The following RAPGEF1 variants were observed in gnomAD, a reference collection of about 807,000 sequenced individuals.
RAPGEF1 encodes CRK SH3-binding GNRP.
In RAPGEF1, 33 loss-of-function variants were observed where a neutral mutation model predicts 143.3. That is an observed-to-expected ratio of 0.23 (90% CI 0.17 to 0.31). The LOEUF (loss-of-function observed/expected upper bound fraction) is 0.31, where lower values mean the gene tolerates loss of function less well. Ranked by LOEUF, RAPGEF1 falls within the 10% of genes least tolerant of loss-of-function variation. RAPGEF1 has a pLI of 1.00. For synonymous variants in RAPGEF1, 629 were observed against 676.5 expected (o/e 0.93, Z 1.09); for missense variants, 1,199 against 1,645.4 (o/e 0.73, Z 4.69).
intron 1 of RAPGEF1, among the ~76,000 whole-genome samples, chr9:131,721,747 G>A (rs116363650): frequency 1.8e-3 from 272 of 152,242 alleles, no homozygotes; most frequent in African/African-American, 6.5e-3. Context: ...ACTGAAACAC[G>A]TAGACTTTTT....
rs143354732 is a variant in RAPGEF1 at position 131,671,070 on chromosome 9, C to T, written c.62-20121G>A. ...CATTTAACACTCTCTAAACCCCACA[C>T]TGTCCGGGGAATGCCCCTAGGAAAA... On this transcript the variant is annotated intron_variant, in intron 1 of 26. Coordinates refer to ENST00000683357, the MANE Select transcript of RAPGEF1 (RefSeq NM_001377935.1). Among the ~76,000 whole-genome samples, 747 of 152,368 alleles carry T rather than the reference C, an allele frequency of 4.9e-3. 11 individuals are homozygous for T. Among genetic ancestry groups the T allele is most frequent in the African/African-American group, 0.017 (700 of 41,594 alleles).
intron 1 of RAPGEF1, among the ~76,000 whole-genome samples, chr9:131,677,899 A>G (rs1167482783): frequency 1.3e-5 from 2 of 152,248 alleles, no homozygotes; most frequent in Non-Finnish European, 2.9e-5. Context: ...AATTCTCCTA[A>G]GTCAAAACTA....
intron 5 of RAPGEF1, among the ~76,000 whole-genome samples, chr9:131,637,821 T>G (rs148417032): frequency 6.3e-4 from 96 of 152,364 alleles, no homozygotes; most frequent in African/African-American, 2.3e-3. Flanking sequence ...ATAAAAGAGT[T>G]ACTTAAGGTG....
intron 1 of RAPGEF1, among the ~76,000 whole-genome samples, chr9:131,693,398 T>C (rs999186434): frequency 9.9e-5 from 15 of 152,052 alleles, no homozygotes; most frequent in Non-Finnish European, 1.8e-4. Context: ...ACGCTCAAGT[T>C]CCATACCACT....
At chr9:131,680,843 C>T (rs1832847135) in intron 1 of RAPGEF1, among the ~76,000 whole-genome samples, 1 of 152,164 alleles carries the variant, frequency 6.6e-6, no homozygotes, top group African/African-American at 2.4e-5. Context: ...ATTCCTCTAG[C>T]GCCTCTGGGT....
intron 1 of RAPGEF1, among the ~76,000 whole-genome samples, chr9:131,686,700 T>G (rs964913955): frequency 6.6e-6 from 1 of 152,226 alleles, no homozygotes; most frequent in African/African-American, 2.4e-5. Context: ...GCCTTTGTTT[T>G]CCACCTGGCA....
Position 131,596,967 on chromosome 9 carries a change from C to T in RAPGEF1, c.2614-594G>A, listed in dbSNP as rs79487668. ...GACAGAAATATTCAATGACTTCTGA[C>T]GCTGCACACCTGCCACCAACCCACC... is the stretch of plus-strand genomic sequence containing the variant. On this transcript the variant is annotated intron_variant, in intron 16 of 26. Coordinates refer to ENST00000683357, the MANE Select transcript of RAPGEF1 (RefSeq NM_001377935.1). 4.4e-3 allele frequency among the ~76,000 whole-genome samples: 668 copies of T among 152,314 alleles called. 9 individuals carry two copies. Among genetic ancestry groups the T allele is most frequent in the African/African-American group, 0.015 (640 of 41,556 alleles).
rs115683784 is a variant in RAPGEF1, at chr9:131,643,304, C to T, written c.429G>A (p.Gly143=). ...TGGCCTCCAGCACCTTGCTGGCTGA[C>T]CCTGGAAGCATCTCCAGTACCTTCT... ...IDKKVLEMLP[G]SASKVLEAIL... is the part of the protein sequence containing the mutation. The change falls in exon 4 of 27, where the codon GGG becomes GGA. Residue 143 remains glycine (G), a synonymous_variant. Transcript: ENST00000683357. 1 of 1,613,514 alleles carries T rather than the reference C, an allele frequency of 6.2e-7. No homozygotes were observed. Among genetic ancestry groups the T allele is most frequent in the African/African-American group, 1.3e-5 (1 of 75,020 alleles).
intron 4 of RAPGEF1, 142 bp downstream of exon 4, chr9:131,643,097 G>T (rs900828573): frequency 1.0e-5 from 9 of 885,998 alleles, no homozygotes; most frequent in South Asian, 1.8e-5. Context: ...GTTGTGGGGG[G>T]AGTGGTCAGG....
In RAPGEF1 at chr9:131,578,611, C is replaced by T. The variant is rs1039403239; in HGVS notation, c.*886G>A. Reference sequence around the variant, plus strand: ...AGCGATGGAGGAGGGAGGTGCTGGCCTCTCCCCTCTGAATTAACTCCCCCA... The same window carrying T: ...AGCGATGGAGGAGGGAGGTGCTGGCTTCTCCCCTCTGAATTAACTCCCCCA... On this transcript the variant is annotated 3_prime_UTR_variant, in exon 27 of 27. Coordinates refer to ENST00000683357, the MANE Select transcript of RAPGEF1 (RefSeq NM_001377935.1). 6.6e-6 allele frequency: 1 copy of T among 152,354 alleles called. No homozygotes were observed. The highest frequency in any genetic ancestry group is 1.5e-5 in the Non-Finnish European group (1 of 68,116). 9.4% of individuals were successfully genotyped at this position (152,354 alleles called of 1,614,324 possible).
chr9:131,689,919 T>C (rs1833660049), intron 1 of RAPGEF1, among the ~76,000 whole-genome samples: 1 of 152,230 alleles, frequency 6.6e-6, no homozygotes, highest in South Asian at 2.1e-4. Flanking sequence ...GTTAAAATAC[T>C]GAAACATTAA....
At chr9:131,591,296 G>A (rs148467394) in intron 18 of RAPGEF1, among the ~76,000 whole-genome samples, 20 of 152,340 alleles carry the variant, frequency 1.3e-4, no homozygotes, top group African/African-American at 4.1e-4. Flanking sequence ...AGGAAGGAGC[G>A]GGGGCGCGGG....
At chr9:131,726,784 C>G (rs918329497) in intron 1 of RAPGEF1, among the ~76,000 whole-genome samples, 1 of 152,120 alleles carries the variant, frequency 6.6e-6, no homozygotes, top group African/African-American at 2.4e-5. Flanking sequence ...TGTTAAAACG[C>G]ACAAAACTTT....
Position 131,579,466 on chromosome 9 carries a change from C to T in RAPGEF1, c.*31G>A, listed in dbSNP as rs367603006. ...TCTGGGAGCTGCCCTCTGCGCCCCT[C>T]GAGCATTCTCCTGGATCCCGGCGTC... On this transcript the variant is annotated 3_prime_UTR_variant, in exon 27 of 27. Transcript: ENST00000683357. 1.1e-4 allele frequency: 174 copies of T among 1,609,944 alleles called. No individual in the cohort carries two copies. The highest frequency in any genetic ancestry group is 1.7e-4 in the Middle Eastern group (1 of 6,058).
chr9:131,709,542 G>T, intron 1 of RAPGEF1: 1 of 1,387,312 alleles, frequency 7.2e-7, no homozygotes, highest in Non-Finnish European at 1.0e-6. Flanking sequence ...AGGCACTTCA[G>T]CTCTGCTGCT....
In RAPGEF1 at chr9:131,577,866, GGACA is replaced by G. The variant is rs1951377083; in HGVS notation, c.*1627_*1630del. 1 of 152,098 alleles carries G rather than the reference GGACA, an allele frequency of 6.6e-6. No individual in the cohort carries two copies. The highest frequency in any genetic ancestry group is 6.5e-5 in the Admixed American group (1 of 15,280). 9.4% of individuals were successfully genotyped at this position (152,098 alleles called of 1,614,324 possible). A position where few individuals can be genotyped will look rare whatever the true frequency, so the allele number is the denominator to read the frequency against. On this transcript the variant is annotated 3_prime_UTR_variant, in exon 27 of 27. Coordinates refer to ENST00000683357, the MANE Select transcript of RAPGEF1 (RefSeq NM_001377935.1). ...CACGGCTTTCCTCCCTCTATCTACA[GGACA>G]AACAAAACACGGGAGAGGGGAAAAA... is the stretch of plus-strand genomic sequence containing the variant.
intron 22 of RAPGEF1, among the ~76,000 whole-genome samples, chr9:131,586,257 A>C (rs866891944): frequency 5.3e-4 from 48 of 91,404 alleles, no homozygotes; most frequent in African/African-American, 1.9e-3. Context: ...CTCTGTCTCA[A>C]ACACACACAC....
chr9:131,717,150 C>T (rs1327377330), intron 1 of RAPGEF1, among the ~76,000 whole-genome samples: 2 of 152,324 alleles, frequency 1.3e-5, no homozygotes, highest in South Asian at 2.1e-4. Context: ...CTGGCCAGCC[C>T]GCTGACCTCA....
intron 12 of RAPGEF1, among the ~76,000 whole-genome samples, chr9:131,614,452 G>A (rs1250023427): frequency 3.3e-5 from 5 of 152,014 alleles, no homozygotes; most frequent in Admixed American, 3.3e-4. Flanking sequence ...TTCCTGTTTG[G>A]CCTTTAGGCC....
Sources: gnomAD v4.1 joint callset for allele counts (sites outside exome capture counted in the v4.1 genomes callset) on GRCh38, gnomAD v4.1.1 for gene constraint, MANE v1.5 for transcripts, NCBI Gene and HGNC (gene_info 2026-07-23, HGNC 2026-07-21) for gene names.